The following PAQR3 variants were observed in gnomAD, a reference collection of about 807,000 sequenced individuals.
PAQR3 encodes Raf kinase trapping to Golgi.
A neutral mutation model predicts 41.7 loss-of-function variants in PAQR3; 39 were observed. That is an observed-to-expected ratio of 0.93 (90% confidence interval 0.72 to 1.22). The LOEUF (loss-of-function observed/expected upper bound fraction) is 1.22. PAQR3 is among the 50% of genes most tolerant of loss of function. The pLI is 0.00. For missense variants in PAQR3, 366 were observed against 385.6 expected, an observed-to-expected ratio of 0.95 and a Z score of 0.42; for synonymous variants, 140 against 140.6, an observed-to-expected ratio of 1.00 and a Z score of 0.03.
At chr4:78,936,593 A>G (rs144571235) in intron 1 of PAQR3, among the ~76,000 whole-genome samples, 178 of 152,364 alleles carry the variant, frequency 1.2e-3, no homozygotes, top group African/African-American at 4.2e-3. Flanking sequence ...ATCATCAAAA[A>G]TAAAGTGAAT....
downstream of PAQR3, among the ~76,000 whole-genome samples, chr4:78,908,070 A>G (rs530917092): frequency 6.6e-6 from 1 of 152,354 alleles, no homozygotes; most frequent in Non-Finnish European, 1.5e-5. Context: ...TGTGTAGGGA[A>G]GAAGTCAAAC....
At chr4:78,935,798 A>G (rs1378875211) in intron 1 of PAQR3, among the ~76,000 whole-genome samples, 1 of 152,258 alleles carries the variant, frequency 6.6e-6, no homozygotes, top group Non-Finnish European at 1.5e-5. Context: ...ATACAAATGC[A>G]AAATTAAATG....
chr4:78,904,558 G>T (rs1478794744), intron 11 of PAQR3, among the ~76,000 whole-genome samples: 1 of 151,886 alleles, frequency 6.6e-6, no homozygotes, highest in Non-Finnish European at 1.5e-5. Flanking sequence ...ACCCAGATCT[G>T]CATTGTCTTA....
rs182887900 is a variant in PAQR3, at chr4:78,920,264, C to T, written c.*275G>A. ...AAGTAAAATGAATCCTATTTCAACA[C>T]TAGTTTCCCATTCATCGTTGTTATT... On this transcript the variant is annotated 3_prime_UTR_variant, in exon 6 of 6. Coordinates refer to ENST00000512733, the MANE Select transcript of PAQR3 (RefSeq NM_001040202.2). The T allele has an allele frequency of 9.2e-7, 1 of 1,091,168 alleles. No individual in the cohort carries two copies. The highest frequency in any genetic ancestry group is 1.6e-5 in the African/African-American group (1 of 61,070). 67.6% of individuals were successfully genotyped at this position (1,091,168 alleles called of 1,614,324 possible). A position where few individuals can be genotyped will look rare whatever the true frequency, so the allele number is the denominator to read the frequency against.
At chr4:78,922,820 G>C (rs1320372313) in intron 5 of PAQR3, 1 of 425,904 alleles carries the variant, frequency 2.3e-6, no homozygotes, top group East Asian at 7.1e-5. Context: ...GAGCACTTAA[G>C]TAACTTACTT....
chr4:78,888,223 T>C (rs1733208895), intron 11 of PAQR3: 1 of 152,202 alleles, frequency 6.6e-6, no homozygotes, highest in Admixed American at 6.5e-5. Flanking sequence ...TAAAAACAGT[T>C]CCTATTCTTG....
intron 2 of PAQR3, among the ~76,000 whole-genome samples, chr4:78,931,645 G>A (rs1736909968): frequency 6.6e-6 from 1 of 152,104 alleles, no homozygotes; most frequent in Non-Finnish European, 1.5e-5. Context: ...GGAAAAGGTG[G>A]GAGGATATTG....
At chr4:78,930,488 A>G (rs1340492105) in intron 2 of PAQR3, 163 bp from the exon 3 acceptor site, 2 of 461,364 alleles carry the variant, frequency 4.3e-6, no homozygotes, top group Non-Finnish European at 7.3e-6. Context: ...CTCACTCTAC[A>G]TGTAGAGCCA....
chr4:78,909,515 CTCATGTTG>C (rs1388381716), downstream of PAQR3, among the ~76,000 whole-genome samples: 1 of 152,108 alleles, frequency 6.6e-6, no homozygotes, highest in Non-Finnish European at 1.5e-5. Flanking sequence ...TCTTCCTTAC[CTCATGTTG>C]TACCTGATCC....
At chr4:78,934,279 T>C (rs1417254879) in intron 2 of PAQR3, among the ~76,000 whole-genome samples, 1 of 152,198 alleles carries the variant, frequency 6.6e-6, no homozygotes, top group Admixed American at 6.5e-5. Flanking sequence ...AAATGATGAC[T>C]CTCTGAAATA....
At chr4:78,925,930 CTTCTT>C (rs1265133930) in intron 4 of PAQR3, among the ~76,000 whole-genome samples, 1 of 152,132 alleles carries the variant, frequency 6.6e-6, no homozygotes, top group East Asian at 1.9e-4. Flanking sequence ...ACAAATAGCT[CTTCTT>C]TTATTTCTCA....
At chr4:78,901,350 T>A (rs1045279922) in intron 11 of PAQR3, among the ~76,000 whole-genome samples, 1 of 152,144 alleles carries the variant, frequency 6.6e-6, no homozygotes, top group African/African-American at 2.4e-5. Context: ...CAAGAGCCAT[T>A]GTGCCCAGCC....
chr4:78,907,462 T>A (rs1734344123), downstream of PAQR3, among the ~76,000 whole-genome samples: 1 of 152,224 alleles, frequency 6.6e-6, no homozygotes, highest in African/African-American at 2.4e-5. Context: ...TTATCTGTCC[T>A]ACGTTAAATG....
chr4:78,939,244 T>C lies in PAQR3; in HGVS notation c.-20A>G. On this transcript the variant is annotated 5_prime_UTR_variant, in exon 1 of 6. Coordinates refer to ENST00000512733, the MANE Select transcript of PAQR3 (RefSeq NM_001040202.2). ...ATGCATCGTTCCCGGCCGCCGCCGCTCCCCGGCTCGGGAGCTCCCCCAGGT... is the reference window on the plus strand; with the variant it reads ...ATGCATCGTTCCCGGCCGCCGCCGCCCCCCGGCTCGGGAGCTCCCCCAGGT... The C allele has an allele frequency of 3.2e-6, 5 of 1,569,786 alleles. No individual in the cohort carries two copies. The highest frequency in any genetic ancestry group is 3.4e-6 in the Non-Finnish European group (4 of 1,161,282).
chr4:78,894,771 T>C (rs1028751605), intron 11 of PAQR3, among the ~76,000 whole-genome samples: 1 of 152,230 alleles, frequency 6.6e-6, no homozygotes, highest in Admixed American at 6.5e-5. Context: ...CTATCTCAGC[T>C]TTCAGCGTGC....
At chr4:78,925,809 T>C (rs1736134277) in intron 4 of PAQR3, among the ~76,000 whole-genome samples, 2 of 152,216 alleles carry the variant, frequency 1.3e-5, no homozygotes, top group Admixed American at 6.5e-5. Context: ...ATTTTTGTAA[T>C]GATCTCTAAA....
At chr4:78,929,766 A>G (rs1293661870) in intron 3 of PAQR3, among the ~76,000 whole-genome samples, 2 of 152,188 alleles carry the variant, frequency 1.3e-5, no homozygotes, top group Non-Finnish European at 2.9e-5. Context: ...CTGAGAGGAG[A>G]AAAAAGAAAT....
At chr4:78,921,769 C>G (rs1222991031) in intron 5 of PAQR3, 1 of 984,494 alleles carries the variant, frequency 1.0e-6, no homozygotes. Flanking sequence ...GAGGACTTGC[C>G]AGAGATAGTT....
downstream of PAQR3, chr4:78,911,563 A>T: frequency 6.2e-7 from 1 of 1,614,046 alleles, no homozygotes; most frequent in African/African-American, 1.3e-5. Flanking sequence ...TAGCACAAAG[A>T]AGACTTTGAA....
Sources: allele counts gnomAD v4.1 joint callset (sites outside exome capture counted in the v4.1 genomes callset), GRCh38; gene constraint gnomAD v4.1.1; transcripts MANE v1.5; gene names NCBI Gene and HGNC (gene_info 2026-07-23, HGNC 2026-07-21).